The following EPN2 variants were observed in gnomAD, a reference collection of about 807,000 sequenced individuals.
EPN2 encodes the protein epsin 2.
EPN2 carries 34 observed loss-of-function variants against 61.7 expected under a neutral mutation model. The ratio of observed to expected loss-of-function variants is 0.55; its 90% CI spans 0.42 to 0.73. The LOEUF (loss-of-function observed/expected upper bound fraction) is 0.73. Ranked by LOEUF, EPN2 falls within the 30% of genes least tolerant of loss-of-function variation. The pLI is 0.00. For missense variants in EPN2, 714 were observed against 839.2 expected (o/e 0.85, Z 1.84); for synonymous variants, 349 against 353.6 (o/e 0.99, Z 0.15).
At chr17:19,289,325 C>T (rs1256763493) in intron 4 of EPN2, among the ~76,000 whole-genome samples, 2 of 152,024 alleles carry the variant, frequency 1.3e-5, no homozygotes, top group African/African-American at 2.4e-5. Context: ...ACCCCGTGAT[C>T]CGCCCACCTT....
chr17:19,285,841 TG>T lies in EPN2; in HGVS notation c.766+56del. On this transcript the variant is annotated intron_variant, in intron 4 of 10. Coordinates refer to ENST00000314728, the MANE Select transcript of EPN2 (RefSeq NM_014964.5). This position sits in a 1 kb window ranked among gnomAD's most constrained non-coding sequence, Gnocchi z 4.5. ...TTACTAGAAATGCTGGGCAGCTTGC[TG>T]GGGGTGTGCTTGCCATGCCAGTACA... 6.7e-7 allele frequency: 1 copy of T among 1,486,426 alleles called. No individual in the cohort carries two copies. Among genetic ancestry groups the T allele is most frequent in the Non-Finnish European group, 9.0e-7 (1 of 1,109,126 alleles). The allele number at this position is 1,486,426 out of a possible 1,614,324, so 92.1% of individuals were successfully genotyped here.
In EPN2 at chr17:19,285,852, T is replaced by A; in HGVS notation, c.766+62T>A. The A allele has an allele frequency of 6.8e-7, 1 of 1,468,532 alleles. No homozygotes were observed. Among genetic ancestry groups the A allele is most frequent in the Non-Finnish European group, 9.1e-7 (1 of 1,100,376 alleles). The allele number at this position is 1,468,532 out of a possible 1,614,324, so 91.0% of individuals were successfully genotyped here. On this transcript the variant is annotated intron_variant, in intron 4 of 10. Transcript: ENST00000314728. The surrounding 1 kb of genome is among the most constrained non-coding windows in gnomAD (Gnocchi z 4.5). ...GCTGGGCAGCTTGCTGGGGGTGTGC[T>A]TGCCATGCCAGTACAGCCAACTCTC... is the stretch of plus-strand genomic sequence containing the variant.
intron 4 of EPN2, among the ~76,000 whole-genome samples, chr17:19,290,134 A>G (rs1220128315): frequency 6.6e-6 from 1 of 152,100 alleles, no homozygotes; most frequent in African/African-American, 2.4e-5. Flanking sequence ...TGATCCTGGC[A>G]TGTAGTCAGT....
Position 19,330,856 on chromosome 17 carries a change from G to A in EPN2, c.1412-997G>A, listed in dbSNP as rs372673105. 1.2e-4 allele frequency among the ~76,000 whole-genome samples: 19 copies of A among 152,272 alleles called. No individual in the cohort carries two copies. In the East Asian group the frequency reaches 2.1e-3, roughly 17 times the overall value. On this transcript the variant is annotated intron_variant, in intron 9 of 10. Transcript: ENST00000314728. ...TACAAAAAAATTAAAAAATTAGCCA[G>A]ATGTGGTCGTGTGCACCTGCCTGTG...
In EPN2 at chr17:19,285,275, A is replaced by G. The variant is rs1260935182; in HGVS notation, c.596-345A>G. 3.9e-5 allele frequency among the ~76,000 whole-genome samples: 6 copies of G among 152,244 alleles called. No homozygotes were observed. The highest frequency in any genetic ancestry group is 1.2e-4 in the African/African-American group (5 of 41,468). On this transcript the variant is annotated intron_variant, in intron 3 of 10. Transcript: ENST00000314728. The surrounding 1 kb of genome is among the most constrained non-coding windows in gnomAD (Gnocchi z 4.5). ...GAAACAGCTTCATGTTCCATGAACAATTTGTGGAACTTTGCAGATGCAGGG... is the reference window on the plus strand; with the variant it reads ...GAAACAGCTTCATGTTCCATGAACAGTTTGTGGAACTTTGCAGATGCAGGG...
rs1906503539 is a variant in EPN2, at chr17:19,318,656, T to C, written c.1147+5377T>C. Among the ~76,000 whole-genome samples the C allele has an allele frequency of 2.0e-5, 3 of 151,634 alleles. No homozygotes were observed. The South Asian group carries it at 6.2e-4, about 32-fold the overall frequency. On this transcript the variant is annotated intron_variant, in intron 7 of 10. Transcript: ENST00000314728. The stretch of plus-strand genomic sequence containing the variant: ...AGTTTTAAAATTCTTAGCAGTGCTG[T>C]TGTTTGTTATTTTAATAGCAGATTC...
chr17:19,264,822 A>G (rs768048630), intron 1 of EPN2, among the ~76,000 whole-genome samples: 1 of 152,132 alleles, frequency 6.6e-6, no homozygotes, highest in Non-Finnish European at 1.5e-5. Flanking sequence ...CAGGCCCAGC[A>G]TGCAGCATCA....
chr17:19,335,564 G>C lies in EPN2; in HGVS notation c.*1310G>C. On this transcript the variant is annotated 3_prime_UTR_variant, in exon 11 of 11. Transcript: ENST00000314728. ...CAGTTGTCCCGAGGGCGTGGGGTGG[G>C]GGGTGCTTCTGTGCCCACGGGTCCC... 7.5e-7 allele frequency: 1 copy of C among 1,339,552 alleles called. No homozygotes were observed. Among genetic ancestry groups the C allele is most frequent in the Non-Finnish European group, 1.0e-6 (1 of 986,352 alleles). 83.0% of individuals were successfully genotyped at this position (1,339,552 alleles called of 1,614,324 possible).
At chr17:19,314,626 T>C (rs1906299919) in intron 7 of EPN2, among the ~76,000 whole-genome samples, 1 of 152,176 alleles carries the variant, frequency 6.6e-6, no homozygotes, top group Admixed American at 6.5e-5. Context: ...GATGGTGGCC[T>C]CTGTAACCCA....
At chr17:19,263,095 G>T (rs1192443957) in intron 1 of EPN2, among the ~76,000 whole-genome samples, 1 of 152,198 alleles carries the variant, frequency 6.6e-6, no homozygotes, top group African/African-American at 2.4e-5. Flanking sequence ...AGATAAGGAG[G>T]CTCCATCCTG....
chr17:19,303,400 C>G (rs975522131), intron 4 of EPN2, among the ~76,000 whole-genome samples: 2 of 152,230 alleles, frequency 1.3e-5, no homozygotes, highest in African/African-American at 4.8e-5. Context: ...CCTGTCCCTG[C>G]AGTCTGTGTC....
At chr17:19,329,922 C>T (rs747167870) in intron 9 of EPN2, among the ~76,000 whole-genome samples, 12 of 152,226 alleles carry the variant, frequency 7.9e-5, no homozygotes, top group Admixed American at 1.3e-4. Flanking sequence ...GTGGGCCTCA[C>T]CTCTGGCCTG....
intron 7 of EPN2, among the ~76,000 whole-genome samples, chr17:19,317,447 A>T (rs1481138517): frequency 6.6e-6 from 1 of 152,166 alleles, no homozygotes; most frequent in Non-Finnish European, 1.5e-5. Flanking sequence ...TGGCAGCAGC[A>T]GGTGGTGCTA....
intron 5 of EPN2, among the ~76,000 whole-genome samples, chr17:19,310,897 C>T (rs1264610219): frequency 6.6e-6 from 1 of 152,038 alleles, no homozygotes; most frequent in Admixed American, 6.5e-5. Flanking sequence ...CTTTAGTAAG[C>T]ATGCATTACT....
intron 1 of EPN2, among the ~76,000 whole-genome samples, chr17:19,272,787 C>A (rs2045267904): frequency 6.6e-6 from 1 of 152,146 alleles, no homozygotes; most frequent in Non-Finnish European, 1.5e-5. Flanking sequence ...TTGCTGCCTG[C>A]ACTTTGTGCT....
At chr17:19,332,213 A>T (rs1907193052) in intron 10 of EPN2, 145 bp downstream of exon 10, 1 of 659,572 alleles carries the variant, frequency 1.5e-6, no homozygotes, top group Non-Finnish European at 2.6e-6. Context: ...TGCCCTCGCC[A>T]GTGCTGCATG....
chr17:19,311,866 T>C (rs1371726674), intron 5 of EPN2, among the ~76,000 whole-genome samples, 186 bp from the exon 6 acceptor site: 4 of 152,252 alleles, frequency 2.6e-5, no homozygotes, highest in African/African-American at 7.2e-5. Flanking sequence ...GGAGTCGCCA[T>C]GAGGGAGGGG....
At chr17:19,289,340 T>C (rs2045437316) in intron 4 of EPN2, among the ~76,000 whole-genome samples, 1 of 152,000 alleles carries the variant, frequency 6.6e-6, no homozygotes, top group African/African-American at 2.4e-5. Flanking sequence ...CACCTTGGCC[T>C]CCCAAAGTGC....
chr17:19,247,310 A>G (rs555964009), intron 1 of EPN2, among the ~76,000 whole-genome samples: 20 of 152,358 alleles, frequency 1.3e-4, no homozygotes, highest in African/African-American at 4.8e-4. Context: ...AAATGCCACC[A>G]AGAACTTAAT....
Sources: gnomAD v4.1 joint callset for allele counts (sites outside exome capture counted in the v4.1 genomes callset) on GRCh38, gnomAD v4.1.1 for gene constraint, Gnocchi (gnomAD v3.1) non-coding constraint, MANE v1.5 for transcripts, NCBI Gene and HGNC (gene_info 2026-07-23, HGNC 2026-07-21) for gene names.